Variants in TIMD4 observed in about 807,000 individuals in gnomAD.
TIMD4 encodes T cell immunoglobulin and mucin domain containing 4.
A neutral mutation model predicts 41.2 loss-of-function variants in TIMD4; 31 were observed. The observed-to-expected ratio is 0.75, with a 90% CI of 0.57 to 1.01. TIMD4 has a LOEUF of 1.01. TIMD4 is among the 50% of genes least tolerant of loss of function. The probability of loss-of-function intolerance (pLI) is 0.00; values close to 1 mark genes in which losing one functional copy is unlikely to be tolerated. For synonymous variants in TIMD4, 204 were observed against 177.1 expected (o/e 1.15, Z -1.21); for missense variants, 479 against 472.5 (o/e 1.01, Z -0.13).
chr5:156,943,514 C>A (rs1027134400), intron 5 of TIMD4, among the ~76,000 whole-genome samples: 7 of 152,174 alleles, frequency 4.6e-5, no homozygotes, highest in Non-Finnish European at 1.0e-4. Flanking sequence ...TGCCACCCAA[C>A]AGGCTATGAG....
At chr5:156,941,177 C>A (rs568952602) in intron 5 of TIMD4, among the ~76,000 whole-genome samples, 2 of 152,010 alleles carry the variant, frequency 1.3e-5, no homozygotes, top group African/African-American at 2.4e-5. Context: ...ACAAACACTG[C>A]GGAAGGCCGC....
chr5:156,952,887 A>C (rs1759888572), intron 2 of TIMD4, among the ~76,000 whole-genome samples: 1 of 152,260 alleles, frequency 6.6e-6, no homozygotes, highest in African/African-American at 2.4e-5. Context: ...AAATCAGTGC[A>C]TCAAAAGTGA....
rs73813914 is a variant in TIMD4, at chr5:156,937,027, C to T, written c.845-10715G>A. ...AAGAGATTCTAATAATCATTATTATCGATGATTATTATTGTGAGTACAATG... is the reference window on the plus strand; with the variant it reads ...AAGAGATTCTAATAATCATTATTATTGATGATTATTATTGTGAGTACAATG... On this transcript the variant is annotated intron_variant, in intron 5 of 8. Transcript: ENST00000274532. 3.6e-3 allele frequency among the ~76,000 whole-genome samples: 540 copies of T among 151,548 alleles called. 1 individual carries two copies. Among genetic ancestry groups the T allele is most frequent in the African/African-American group, 0.012 (511 of 41,306 alleles).
chr5:156,938,096 G>GTTCTGA, intron 5 of TIMD4, among the ~76,000 whole-genome samples: 1 of 152,244 alleles, frequency 6.6e-6, no homozygotes, highest in East Asian at 1.9e-4. Context: ...AAATTGTCAG[G>GTTCTGA]TTCTGACAGG....
chr5:156,959,210 G>A (rs980203552), intron 1 of TIMD4, among the ~76,000 whole-genome samples: 1 of 152,134 alleles, frequency 6.6e-6, no homozygotes, highest in Non-Finnish European at 1.5e-5. Context: ...AAGGAAGCAG[G>A]TGCTGAGTAT....
chr5:156,928,170 C>T (rs137857868), intron 5 of TIMD4, among the ~76,000 whole-genome samples: 5,483 of 152,004 alleles, frequency 0.036, 251 homozygotes, highest in African/African-American at 0.11. Flanking sequence ...TGGTGGTGTG[C>T]GCCTGTAGTC....
intron 1 of TIMD4, among the ~76,000 whole-genome samples, chr5:156,955,064 C>G (rs149261033): frequency 8.4e-4 from 128 of 152,058 alleles, no homozygotes; most frequent in African/African-American, 3.0e-3. Context: ...TGCTTTTGTA[C>G]AGACAGGGTT....
At chr5:156,950,186 G>A (rs1477901328) in intron 3 of TIMD4, among the ~76,000 whole-genome samples, 3 of 152,014 alleles carry the variant, frequency 2.0e-5, no homozygotes, top group Non-Finnish European at 4.4e-5. Context: ...GGCTGGAACT[G>A]ACTTCTTGGG....
intron 5 of TIMD4, among the ~76,000 whole-genome samples, chr5:156,940,466 G>A (rs1433165012): frequency 1.3e-5 from 2 of 152,142 alleles, no homozygotes; most frequent in African/African-American, 4.8e-5. Flanking sequence ...AGCCTGGGAA[G>A]TGAGGAGCGC....
chr5:156,927,687 T>C (rs114297174), intron 5 of TIMD4, among the ~76,000 whole-genome samples: 65 of 152,148 alleles, frequency 4.3e-4, no homozygotes, highest in African/African-American at 1.5e-3. Context: ...AACAACAGGA[T>C]ATGGACATTG....
chr5:156,953,653 CAAAAAAA>C (rs35165963), intron 2 of TIMD4, among the ~76,000 whole-genome samples: 29 of 58,488 alleles, frequency 5.0e-4, no homozygotes, highest in East Asian at 4.9e-3. Context: ...AAACTCTGTC[CAAAAAAA>C]AAAAAAAAAA....
At position 156,954,773 on chromosome 5, in the gene TIMD4, G is replaced by A. The variant is rs752885607; in HGVS notation, c.59-17C>T. 6 of 1,583,600 alleles carry A rather than the reference G, an allele frequency of 3.8e-6. No individual in the cohort carries two copies. Among genetic ancestry groups the A allele is most frequent in the Admixed American group, 1.8e-5 (1 of 56,896 alleles). On this transcript the variant is annotated splice_polypyrimidine_tract_variant and intron_variant, in intron 1 of 8. Coordinates refer to ENST00000274532, the MANE Select transcript of TIMD4 (RefSeq NM_138379.3). ...TGACTGGTGCTGCAAGGAAAAATGCGAAATTTAGGTCATGCAGTACTGAAA... is the reference window on the plus strand; with the variant it reads ...TGACTGGTGCTGCAAGGAAAAATGCAAAATTTAGGTCATGCAGTACTGAAA...
intron 5 of TIMD4, among the ~76,000 whole-genome samples, chr5:156,928,021 C>G (rs554239185): frequency 6.6e-6 from 1 of 152,104 alleles, no homozygotes; most frequent in Admixed American, 6.5e-5. Flanking sequence ...TATAAGAAAT[C>G]TGGCCCGGGC....
Position 156,954,573 on chromosome 5 carries a change from G to C in TIMD4, c.242C>G (p.Ser81Ter), listed in dbSNP as rs757704534. Residue 81 changes from serine (S) to a stop codon, truncating the protein, a stop_gained, in exon 2 of 9, where the codon TCA (serine) becomes TGA (stop). Coordinates refer to ENST00000274532, the MANE Select transcript of TIMD4 (RefSeq NM_138379.3). LOFTEE classifies it high-confidence loss of function. ...TDGMRVTSRK[S>*]AKYRLQGTIP... is the part of the protein sequence containing the mutation. The stretch of plus-strand genomic sequence containing the variant: ...AGTCCCCTGAAGTCTATATTTTGCT[G>C]ACTTTCTTGAGGTCACCCTCATTCC... 6.2e-7 allele frequency: 1 copy of C among 1,614,234 alleles called. No individual in the cohort carries two copies. Among genetic ancestry groups the C allele is most frequent in the Non-Finnish European group, 8.5e-7 (1 of 1,180,040 alleles).
At chr5:156,926,155 T>G in intron 6 of TIMD4, 108 bp downstream of exon 6, 1 of 1,118,528 alleles carries the variant, frequency 8.9e-7, no homozygotes, top group South Asian at 1.3e-5. Context: ...CTGCCCACCT[T>G]GGCCTCCCAA....
At chr5:156,922,002 G>GTA in intron 7 of TIMD4, 97 bp downstream of exon 7, 2 of 890,488 alleles carry the variant, frequency 2.2e-6, no homozygotes, top group Non-Finnish European at 3.4e-6. Flanking sequence ...GAGCCTCTTT[G>GTA]GGGAGGGATA....
intron 5 of TIMD4, among the ~76,000 whole-genome samples, chr5:156,947,069 G>T (rs1324591148): frequency 6.6e-6 from 1 of 151,954 alleles, no homozygotes; most frequent in African/African-American, 2.4e-5. Context: ...ATGGTGGCAT[G>T]TGCCTGTAGT....
At chr5:156,951,119 A>G (rs10043428) in intron 3 of TIMD4, among the ~76,000 whole-genome samples, 6,175 of 152,184 alleles carry the variant, frequency 0.041, 321 homozygotes, top group African/African-American at 0.12. Context: ...GCAAATGTAT[A>G]TTGAGATAGC....
intron 1 of TIMD4, among the ~76,000 whole-genome samples, chr5:156,956,753 A>G (rs1272105202): frequency 6.6e-6 from 1 of 152,222 alleles, no homozygotes; most frequent in Non-Finnish European, 1.5e-5. Flanking sequence ...CAGGCTGTAG[A>G]TCTCAGATTG....
Sources: gnomAD v4.1 joint callset for allele counts (sites outside exome capture counted in the v4.1 genomes callset) on GRCh38, gnomAD v4.1.1 for gene constraint, MANE v1.5 for transcripts, NCBI Gene and HGNC (gene_info 2026-07-23, HGNC 2026-07-21) for gene names.